The following PSMF1 variants were observed in gnomAD, a reference collection of about 807,000 sequenced individuals.
The protein encoded by PSMF1 is proteasome inhibitor PI31 subunit.
In PSMF1, 30 loss-of-function variants were observed where a neutral mutation model predicts 29.3. The observed-to-expected ratio is 1.02, with a 90% CI of 0.77 to 1.39. The LOEUF (loss-of-function observed/expected upper bound fraction) is 1.39, where lower values mean the gene tolerates loss of function less well. PSMF1 is among the 40% of genes most tolerant of loss of function. PSMF1 has a pLI of 0.00. For missense variants in PSMF1, 344 were observed against 357.5 expected (o/e 0.96, Z 0.31); for synonymous variants, 134 against 139.7 (o/e 0.96, Z 0.29).
Position 1,167,692 on chromosome 20 carries a change from G to A in PSMF1, c.*2612G>A, listed in dbSNP as rs1246027962. On this transcript the variant is annotated 3_prime_UTR_variant, in exon 7 of 7. Transcript: ENST00000335877. ...ATGCTGTAGCATGTATCCATGGTAT[G>A]GATATATCACATTTTGCTTATCCTT... 6.6e-6 allele frequency: 1 copy of A among 151,980 alleles called. No homozygotes were observed. Among genetic ancestry groups the A allele is most frequent in the African/African-American group, 2.4e-5 (1 of 41,364 alleles). 9.4% of individuals were successfully genotyped at this position (151,980 alleles called of 1,614,324 possible). A position where few individuals can be genotyped will look rare whatever the true frequency, so the allele number is the denominator to read the frequency against.
At chr20:1,120,542 A>G (rs1023732248) in intron 1 of PSMF1, among the ~76,000 whole-genome samples, 1 of 152,172 alleles carries the variant, frequency 6.6e-6, no homozygotes, top group African/African-American at 2.4e-5. Flanking sequence ...CCCCTAACAG[A>G]AATCTTGTCT....
intron 1 of PSMF1, 128 bp from the exon 2 acceptor site, chr20:1,125,370 C>T: frequency 9.6e-7 from 1 of 1,044,704 alleles, no homozygotes; most frequent in Non-Finnish European, 1.3e-6. Flanking sequence ...TTGGGCAAGT[C>T]ATTTCTCTTG....
intron 4 of PSMF1, among the ~76,000 whole-genome samples, chr20:1,146,181 TG>T (rs1365082013): frequency 6.6e-6 from 1 of 152,184 alleles, no homozygotes; most frequent in Non-Finnish European, 1.5e-5. Context: ...ATGAGTATCC[TG>T]GGAAAGGCTA....
chr20:1,136,040 T>C (rs968312431), intron 4 of PSMF1, among the ~76,000 whole-genome samples: 1 of 152,244 alleles, frequency 6.6e-6, no homozygotes, highest in Non-Finnish European at 1.5e-5. Context: ...CTACCATTGT[T>C]ATTTTATTCT....
chr20:1,154,284 AT>A lies in PSMF1; in HGVS notation c.552-8840del, dbSNP rs796348577. Among the ~76,000 whole-genome samples, 358 of 152,194 alleles carry A rather than the reference AT, an allele frequency of 2.4e-3. 1 individual carries two copies. The highest frequency in any genetic ancestry group is 8.2e-3 in the African/African-American group (339 of 41,504). ...ACAATTTTTAGCATAATTTATGTAT[AT>A]TTTTTCTTTCTGTTTTTCTTTCTTC... On this transcript the variant is annotated intron_variant, in intron 4 of 6. Transcript: ENST00000335877.
At chr20:1,146,868 A>G (rs1188081460) in intron 4 of PSMF1, among the ~76,000 whole-genome samples, 2 of 152,210 alleles carry the variant, frequency 1.3e-5, no homozygotes, top group African/African-American at 4.8e-5. Flanking sequence ...ACATTCAGTA[A>G]ATATTCAGTG....
rs1020130181 is a variant in PSMF1 at position 1,168,846 on chromosome 20, C to T, written c.*3766C>T. ...CTACTTCTGTACATTTCCAATAAGG[C>T]ACCACCAGGGCAAGGGAAGATTCCC... On this transcript the variant is annotated 3_prime_UTR_variant, in exon 7 of 7. Transcript: ENST00000335877. Among the ~76,000 whole-genome samples, 1 of 152,174 alleles carries T rather than the reference C, an allele frequency of 6.6e-6. No homozygotes were observed. Among genetic ancestry groups the T allele is most frequent in the Non-Finnish European group, 1.5e-5 (1 of 68,030 alleles).
intron 1 of PSMF1, among the ~76,000 whole-genome samples, chr20:1,120,781 T>C (rs1036297632): frequency 6.6e-6 from 1 of 152,168 alleles, no homozygotes; most frequent in Non-Finnish European, 1.5e-5. Context: ...AGCTCTGCTT[T>C]GCACTCTGTC....
chr20:1,126,707 T>C (rs1013985211), intron 2 of PSMF1, among the ~76,000 whole-genome samples: 2 of 152,072 alleles, frequency 1.3e-5, no homozygotes, highest in Non-Finnish European at 2.9e-5. Flanking sequence ...AAACCCTGTC[T>C]CTACTAAAAA....
At chr20:1,158,242 A>G (rs1325677030) in intron 4 of PSMF1, among the ~76,000 whole-genome samples, 1 of 152,206 alleles carries the variant, frequency 6.6e-6, no homozygotes, top group Non-Finnish European at 1.5e-5. Flanking sequence ...AAATTGTAGC[A>G]CAGCATCTGA....
intron 4 of PSMF1, among the ~76,000 whole-genome samples, chr20:1,154,319 T>C (rs1260857212): frequency 6.6e-6 from 1 of 152,236 alleles, no homozygotes; most frequent in Non-Finnish European, 1.5e-5. Context: ...TCTAAAAATC[T>C]TTGATCACTT....
chr20:1,121,248 C>G (rs1568462576), intron 1 of PSMF1, among the ~76,000 whole-genome samples: 1 of 152,008 alleles, frequency 6.6e-6, no homozygotes, highest in Non-Finnish European at 1.5e-5. Context: ...TTTCAGACAT[C>G]TTTGGGGAGG....
intron 4 of PSMF1, chr20:1,160,693 G>T: frequency 2.0e-6 from 1 of 492,982 alleles, no homozygotes; most frequent in African/African-American, 2.0e-5. Flanking sequence ...ACTGTCAGGT[G>T]CCCCCAACAC....
In PSMF1 at chr20:1,165,542, C is replaced by G; in HGVS notation, c.*462C>G. 2 of 998,950 alleles carry G rather than the reference C, an allele frequency of 2.0e-6. No homozygotes were observed. Among genetic ancestry groups the G allele is most frequent in the Non-Finnish European group, 2.4e-6 (2 of 838,222 alleles). The allele number at this position is 998,950 out of a possible 1,614,324, so 61.9% of individuals were successfully genotyped here. A position where few individuals can be genotyped will look rare whatever the true frequency, so the allele number is the denominator to read the frequency against. ...TTATGAGACTTTAGAGTTTGAGTTTCTGTAGGGCTGAATGACTCTTTTTCC... is the reference window on the plus strand; with the variant it reads ...TTATGAGACTTTAGAGTTTGAGTTTGTGTAGGGCTGAATGACTCTTTTTCC... On this transcript the variant is annotated 3_prime_UTR_variant, in exon 7 of 7. Coordinates refer to ENST00000335877, the MANE Select transcript of PSMF1 (RefSeq NM_006814.5).
At chr20:1,124,066 C>A (rs892613496) in intron 1 of PSMF1, among the ~76,000 whole-genome samples, 1 of 152,112 alleles carries the variant, frequency 6.6e-6, no homozygotes, top group East Asian at 1.9e-4. Flanking sequence ...TTATTAATTT[C>A]TTTCCTTTGC....
rs1318059790 is a variant in PSMF1 at position 1,169,096 on chromosome 20, C to T, written c.*4016C>T. Among the ~76,000 whole-genome samples the T allele has an allele frequency of 2.6e-5, 4 of 152,132 alleles. No homozygotes were observed. The highest frequency in any genetic ancestry group is 9.7e-5 in the African/African-American group (4 of 41,424). On this transcript the variant is annotated 3_prime_UTR_variant, in exon 7 of 7. Coordinates refer to ENST00000335877, the MANE Select transcript of PSMF1 (RefSeq NM_006814.5). ...GATGTGATCCTGCTGCTCTCTGGACCGTAACCTTTTTGGTTACAAAAGGTA... is the reference window on the plus strand; with the variant it reads ...GATGTGATCCTGCTGCTCTCTGGACTGTAACCTTTTTGGTTACAAAAGGTA...
rs2086038582 is a variant in PSMF1, at chr20:1,118,650, G to T, written c.-124G>T. On this transcript the variant is annotated 5_prime_UTR_variant, in exon 1 of 7. Coordinates refer to ENST00000335877, the MANE Select transcript of PSMF1 (RefSeq NM_006814.5). ...CCGGGCGTCTCCATTTTGGTCTCAG[G>T]TGTGGACTCGGCAAGAACCAGCGCA... is the stretch of plus-strand genomic sequence containing the variant. 1 of 1,256,212 alleles carries T rather than the reference G, an allele frequency of 8.0e-7. No individual in the cohort carries two copies. The highest frequency in any genetic ancestry group is 1.1e-6 in the Non-Finnish European group (1 of 929,566). 77.8% of individuals were successfully genotyped at this position (1,256,212 alleles called of 1,614,324 possible).
At chr20:1,160,580 C>G in intron 4 of PSMF1, 1 of 477,016 alleles carries the variant, frequency 2.1e-6, no homozygotes, top group South Asian at 1.6e-5. Context: ...CTCCACCGAT[C>G]ACAATGGAAG....
chr20:1,158,992 G>T (rs1343869229), intron 4 of PSMF1, among the ~76,000 whole-genome samples: 7 of 151,578 alleles, frequency 4.6e-5, no homozygotes, highest in Admixed American at 3.9e-4. Context: ...GGAGGCAGAG[G>T]TTGCAGTGAG....
Sources: allele counts gnomAD v4.1 joint callset (sites outside exome capture counted in the v4.1 genomes callset), GRCh38; gene constraint gnomAD v4.1.1; transcripts MANE v1.5; gene names NCBI Gene and HGNC (gene_info 2026-07-23, HGNC 2026-07-21).